The following PLXDC2 variants were observed in gnomAD, a reference collection of about 807,000 sequenced individuals.
The protein encoded by PLXDC2 is plexin domain-containing protein 2.
PLXDC2 carries 40 observed loss-of-function variants against 68.9 expected under a neutral mutation model. That is an observed-to-expected ratio of 0.58 (90% CI 0.45 to 0.76). The LOEUF (loss-of-function observed/expected upper bound fraction) is 0.76, where lower values mean the gene tolerates loss of function less well. Among genes scored for constraint, PLXDC2 ranks in the 30% least tolerant of loss-of-function variants. The probability of loss-of-function intolerance (pLI) is 0.00; values close to 1 mark genes in which losing one functional copy is unlikely to be tolerated. For synonymous variants in PLXDC2, 243 were observed against 234.2 expected (o/e 1.04, Z -0.34); for missense variants, 644 against 661.9 (o/e 0.97, Z 0.30).
intron 12 of PLXDC2, among the ~76,000 whole-genome samples, chr10:20,242,750 G>A (rs1052413566): frequency 4.6e-5 from 7 of 152,062 alleles, no homozygotes; most frequent in Non-Finnish European, 7.4e-5. Flanking sequence ...TCGCTCTGTC[G>A]CCCAGGCTGG....
At chr10:19,983,958 A>G (rs1834594999) in intron 1 of PLXDC2, among the ~76,000 whole-genome samples, 1 of 152,210 alleles carries the variant, frequency 6.6e-6, no homozygotes, top group Non-Finnish European at 1.5e-5. Context: ...TATTTACAAT[A>G]TAAAAGGCAG....
rs142571158 is a variant in PLXDC2, at chr10:20,077,034, C to T, written c.541+8795C>T. On this transcript the variant is annotated intron_variant, in intron 4 of 13. Coordinates refer to ENST00000377252, the MANE Select transcript of PLXDC2 (RefSeq NM_032812.9). ...TACGACATATATATTATTATACCCA[C>T]GTATTCATTCTATCCTTTTTATAGC... 2.4e-4 allele frequency among the ~76,000 whole-genome samples: 37 copies of T among 152,238 alleles called. No individual in the cohort carries two copies. In the East Asian group the frequency reaches 5.2e-3, roughly 21 times the overall value.
At chr10:20,004,863 T>C (rs1589581005) in intron 2 of PLXDC2, among the ~76,000 whole-genome samples, 1 of 152,108 alleles carries the variant, frequency 6.6e-6, no homozygotes, top group African/African-American at 2.4e-5. Context: ...AAGTGTCAGG[T>C]TTGAATCAGT....
chr10:20,161,327 A>C (rs560897412), intron 6 of PLXDC2, among the ~76,000 whole-genome samples: 3 of 132,848 alleles, frequency 2.3e-5, no homozygotes, highest in African/African-American at 7.7e-5. Context: ...AAAAAATAAA[A>C]ATTAAAAAAA....
At chr10:20,105,790 T>G (rs1489602445) in intron 4 of PLXDC2, among the ~76,000 whole-genome samples, 2 of 152,170 alleles carry the variant, frequency 1.3e-5, no homozygotes, top group South Asian at 4.1e-4. Context: ...CCTTGTGAGA[T>G]CATCACATTC....
chr10:20,149,540 A>G (rs1178100136), intron 6 of PLXDC2, among the ~76,000 whole-genome samples: 1 of 151,710 alleles, frequency 6.6e-6, no homozygotes, highest in Non-Finnish European at 1.5e-5. Context: ...CGCCCGGCCG[A>G]TAGTTATTTT....
Position 20,138,868 on chromosome 10 carries a change from G to A in PLXDC2, c.542-4427G>A, listed in dbSNP as rs746926637. Among the ~76,000 whole-genome samples the A allele has an allele frequency of 3.3e-5, 5 of 151,982 alleles. No homozygotes were observed. The East Asian group carries it at 7.7e-4, about 23-fold the overall frequency. ...GCAGAGTTTGCAGTGAGCCAAAATC[G>A]TGCCACTACACTCCAGCCTGGGTGA... On this transcript the variant is annotated intron_variant, in intron 4 of 13. Transcript: ENST00000377252.
intron 3 of PLXDC2, among the ~76,000 whole-genome samples, chr10:20,064,402 A>G (rs1393739583): frequency 2.0e-5 from 3 of 151,686 alleles, no homozygotes; most frequent in Non-Finnish European, 4.4e-5. Flanking sequence ...TTGTATTTTT[A>G]GTAGAGATGG....
chr10:20,080,659 T>C (rs7075071), intron 4 of PLXDC2, among the ~76,000 whole-genome samples: 37,553 of 152,084 alleles, frequency 0.25, 5,614 homozygotes, highest in African/African-American at 0.41. Flanking sequence ...CCCAACCCCA[T>C]TGAGGGTGGG....
intron 7 of PLXDC2, among the ~76,000 whole-genome samples, chr10:20,175,805 C>A (rs1429821627): frequency 6.6e-6 from 1 of 152,144 alleles, no homozygotes; most frequent in Non-Finnish European, 1.5e-5. Context: ...GACTGGGCAA[C>A]AGTGGGAGAC....
intron 1 of PLXDC2, among the ~76,000 whole-genome samples, chr10:19,972,678 C>G (rs1284817502): frequency 1.3e-5 from 2 of 152,108 alleles, no homozygotes; most frequent in African/African-American, 4.8e-5. Context: ...GCAATCATGA[C>G]CAAGGGAGAC....
chr10:19,858,506 A>T (rs187930563), intron 1 of PLXDC2, among the ~76,000 whole-genome samples: 20 of 152,344 alleles, frequency 1.3e-4, no homozygotes, highest in African/African-American at 4.8e-4. Flanking sequence ...TGAATTAGCT[A>T]ATATTACTTT....
chr10:19,890,230 A>T (rs913841636), intron 1 of PLXDC2, among the ~76,000 whole-genome samples: 2 of 152,112 alleles, frequency 1.3e-5, no homozygotes, highest in Non-Finnish European at 2.9e-5. Context: ...TTAATTTTTT[A>T]AAAATTTTAA....
intron 1 of PLXDC2, among the ~76,000 whole-genome samples, chr10:19,949,438 T>C (rs1235677200): frequency 6.6e-6 from 1 of 152,086 alleles, no homozygotes; most frequent in Non-Finnish European, 1.5e-5. Context: ...TGAGAATACA[T>C]GAGGCTGGAT....
intron 4 of PLXDC2, among the ~76,000 whole-genome samples, chr10:20,117,050 TG>T (rs1252352771): frequency 8.0e-4 from 82 of 102,010 alleles, no homozygotes; most frequent in Non-Finnish European, 1.2e-3. Flanking sequence ...CCCTTAAAAA[TG>T]AAAAAAAAAA....
intron 9 of PLXDC2, among the ~76,000 whole-genome samples, chr10:20,210,661 G>T (rs1260147854): frequency 6.6e-6 from 1 of 152,136 alleles, no homozygotes; most frequent in African/African-American, 2.4e-5. Flanking sequence ...GCAGAACTCA[G>T]AAAAGCTGTT....
rs141455379 is a variant in PLXDC2, at chr10:20,218,903, G to A, written c.1274-161G>A. 5.5e-3 allele frequency among the ~76,000 whole-genome samples: 839 copies of A among 152,206 alleles called. 7 individuals carry two copies. The highest frequency in any genetic ancestry group is 9.0e-3 in the Non-Finnish European group (614 of 67,978). The stretch of plus-strand genomic sequence containing the variant: ...AAATTTTAGAACTACATCATGTAAA[G>A]CAAGGACTTGCTCTCATTGCACTAG... On this transcript the variant is annotated intron_variant, in intron 11 of 13. Transcript: ENST00000377252.
chr10:20,090,415 A>G (rs372850470), intron 4 of PLXDC2, among the ~76,000 whole-genome samples: 2 of 152,120 alleles, frequency 1.3e-5, no homozygotes, highest in African/African-American at 2.4e-5. Flanking sequence ...AGAACAGTCA[A>G]TGAATGAGAT....
intron 1 of PLXDC2, among the ~76,000 whole-genome samples, chr10:19,842,000 G>T (rs1043748314): frequency 6.6e-6 from 1 of 152,116 alleles, no homozygotes; most frequent in Non-Finnish European, 1.5e-5. Flanking sequence ...TTGAGGCCAG[G>T]CACAGTGGCC....
Sources: allele counts gnomAD v4.1 joint callset (sites outside exome capture counted in the v4.1 genomes callset), GRCh38; gene constraint gnomAD v4.1.1; transcripts MANE v1.5; gene names NCBI Gene and HGNC (gene_info 2026-07-23, HGNC 2026-07-21).